The following PACRG variants were observed in gnomAD, a reference collection of about 807,000 sequenced individuals.
PACRG encodes parkin coregulated, also known as parkin coregulated gene protein.
Under a neutral mutation model 29.7 loss-of-function variants are expected in PACRG, and 29 were observed. The observed-to-expected ratio is 0.98, with a 90% CI of 0.73 to 1.33. The LOEUF (loss-of-function observed/expected upper bound fraction) is 1.33, where lower values mean the gene tolerates loss of function less well. Ranked by LOEUF, PACRG falls within the 40% of genes most tolerant of loss-of-function variation. The pLI, the probability that PACRG is intolerant of heterozygous loss-of-function variation, is 0.00. For synonymous variants in PACRG, 116 were observed against 118.7 expected (o/e 0.98, Z 0.15); for missense variants, 279 against 316.2 (o/e 0.88, Z 0.89).
In PACRG at chr6:162,852,005, G is replaced by GAGGAAGGAAGGAAGGAAAGGAAGGAAGGA. The variant is rs1554291937; in HGVS notation, c.291+37741_291+37742insAGGAAGGAAGGAAGGAAGGAAGGAAGGAA. Among the ~76,000 whole-genome samples, 73 of 116,108 alleles carry GAGGAAGGAAGGAAGGAAAGGAAGGAAGGA rather than the reference G, an allele frequency of 6.3e-4. No individual in the cohort carries two copies. In the East Asian group the frequency reaches 0.017, roughly 27 times the overall value. The allele number at this position is 116,108 out of a possible 152,430, so 76.2% of individuals were successfully genotyped here. On this transcript the variant is annotated intron_variant, in intron 2 of 4. Coordinates refer to ENST00000366888, the MANE Select transcript of PACRG (RefSeq NM_001080379.2). Reference sequence around the variant, plus strand: ...AAGAAAAGGGAGGGAGGGAGGGAGGGAGGAAGGAAGGAAGGAAGGAAGGAA... The same window carrying GAGGAAGGAAGGAAGGAAAGGAAGGAAGGA: ...AAGAAAAGGGAGGGAGGGAGGGAGGGAGGAAGGAAGGAAGGAAAGGAAGGAAGGAAGGAAGGAAGGAAGGAAGGAAGGAA...
At chr6:163,040,698 C>T (rs182591832) in intron 2 of PACRG, among the ~76,000 whole-genome samples, 117 of 152,328 alleles carry the variant, frequency 7.7e-4, no homozygotes, top group Admixed American at 7.5e-3. Flanking sequence ...ACTGCCCAGC[C>T]AGTTTTCAGA....
At chr6:163,215,346 A>G (rs1241285232) in intron 4 of PACRG, among the ~76,000 whole-genome samples, 1 of 152,220 alleles carries the variant, frequency 6.6e-6, no homozygotes, top group Non-Finnish European at 1.5e-5. Context: ...TTCTAACGCC[A>G]TCTTGGCATG....
At chr6:162,842,542 C>T (rs1789890987) in intron 2 of PACRG, among the ~76,000 whole-genome samples, 2 of 150,986 alleles carry the variant, frequency 1.3e-5, no homozygotes, top group Non-Finnish European at 3.0e-5. Context: ...GGTCTTGACT[C>T]TTTATCCAAT....
intron 2 of PACRG, among the ~76,000 whole-genome samples, chr6:162,958,880 TATATAGAGAGAGAGAGAGAGAGAG>T (rs1320408521): frequency 0.011 from 175 of 16,474 alleles, no homozygotes; most frequent in African/African-American, 0.015. Context: ...TATATATATA[TATATAGAGAGAGAGAGAGAGAGAG>T]AGAGAGAGAG....
chr6:163,308,736 G>A (rs1315989288), intron 4 of PACRG, among the ~76,000 whole-genome samples: 1 of 151,728 alleles, frequency 6.6e-6, no homozygotes, highest in African/African-American at 2.4e-5. Flanking sequence ...GTGTCGTCAA[G>A]AAACATGATA....
At chr6:163,052,088 C>T (rs971468027) in intron 2 of PACRG, 6 of 152,060 alleles carry the variant, frequency 3.9e-5, no homozygotes, top group East Asian at 1.9e-4. Flanking sequence ...CTGCATCACA[C>T]GTATTTGAAA....
intron 2 of PACRG, among the ~76,000 whole-genome samples, chr6:162,891,343 A>C (rs2128040037): frequency 6.6e-6 from 1 of 152,266 alleles, no homozygotes; most frequent in Non-Finnish European, 1.5e-5. Context: ...CCCTTAGGGA[A>C]GGTTGGCTCT....
At chr6:163,160,571 AC>A (rs1275354503) in intron 4 of PACRG, among the ~76,000 whole-genome samples, 1 of 152,214 alleles carries the variant, frequency 6.6e-6, no homozygotes, top group African/African-American at 2.4e-5. Flanking sequence ...TAAATGGCAT[AC>A]CTTTTATACC....
At chr6:163,283,088 A>G (rs574416309) in intron 4 of PACRG, among the ~76,000 whole-genome samples, 1 of 152,394 alleles carries the variant, frequency 6.6e-6, no homozygotes, top group South Asian at 2.1e-4. Flanking sequence ...GCACATTACT[A>G]TATGACATGA....
intron 4 of PACRG, among the ~76,000 whole-genome samples, chr6:163,288,668 A>G (rs1784479133): frequency 6.6e-6 from 1 of 152,184 alleles, no homozygotes; most frequent in Admixed American, 6.5e-5. Flanking sequence ...TGTGCTCTCG[A>G]TTATCTAAGA....
At chr6:162,920,900 T>C (rs1247216929) in intron 2 of PACRG, among the ~76,000 whole-genome samples, 1 of 152,210 alleles carries the variant, frequency 6.6e-6, no homozygotes, top group East Asian at 1.9e-4. Flanking sequence ...TTAAATTCTA[T>C]GGAAATGTGA....
At chr6:163,106,104 A>G (rs530192633) in intron 4 of PACRG, among the ~76,000 whole-genome samples, 1 of 152,290 alleles carries the variant, frequency 6.6e-6, no homozygotes, top group East Asian at 1.9e-4. Context: ...AGGAGGAAGA[A>G]AGTATCCTTC....
chr6:162,975,479 T>C (rs901907789), intron 2 of PACRG, among the ~76,000 whole-genome samples: 17 of 152,240 alleles, frequency 1.1e-4, no homozygotes, highest in African/African-American at 4.1e-4. Context: ...CTCTTTGTGT[T>C]TTGTTTCACA....
chr6:163,312,373 C>T (rs772357475), intron 4 of PACRG, among the ~76,000 whole-genome samples: 1 of 152,108 alleles, frequency 6.6e-6, no homozygotes, highest in Non-Finnish European at 1.5e-5. Flanking sequence ...GTTCAAATCC[C>T]CTGTTGCTTT....
chr6:162,884,965 C>G (rs1051056818), intron 2 of PACRG, among the ~76,000 whole-genome samples: 1 of 152,164 alleles, frequency 6.6e-6, no homozygotes, highest in South Asian at 2.1e-4. Context: ...GACAGAAGTT[C>G]TCTGCTCTGG....
intron 4 of PACRG, among the ~76,000 whole-genome samples, chr6:163,261,189 T>G (rs1416708106): frequency 1.3e-5 from 2 of 152,164 alleles, no homozygotes; most frequent in African/African-American, 2.4e-5. Context: ...CCGCCTCTTC[T>G]GCCCTCAGCT....
rs1277971712 is a variant in PACRG, at chr6:162,898,261, G to C, written c.291+83980G>C. On this transcript the variant is annotated intron_variant, in intron 2 of 4. Transcript: ENST00000366888. Reference sequence around the variant, plus strand: ...AGCGGAATCTCCTCTCTGCTGAGTGGGTTGCTGTAGTGGAAGAAGCACTGA... The same window carrying C: ...AGCGGAATCTCCTCTCTGCTGAGTGCGTTGCTGTAGTGGAAGAAGCACTGA... Among the ~76,000 whole-genome samples the C allele has an allele frequency of 2.6e-5, 4 of 152,268 alleles. No individual in the cohort carries two copies. In the South Asian group the frequency reaches 6.2e-4, roughly 24 times the overall value.
intron 4 of PACRG, among the ~76,000 whole-genome samples, chr6:163,216,084 AC>A (rs1781350296): frequency 6.6e-6 from 1 of 152,220 alleles, no homozygotes; most frequent in East Asian, 1.9e-4. Flanking sequence ...TCAATTGAAC[AC>A]ATGAAATGTA....
chr6:162,920,584 T>G (rs990672988), intron 2 of PACRG, among the ~76,000 whole-genome samples: 2 of 152,218 alleles, frequency 1.3e-5, no homozygotes, highest in African/African-American at 2.4e-5. Context: ...GGATTTTTAT[T>G]AATCCATCTG....
Sources: allele counts gnomAD v4.1 joint callset (sites outside exome capture counted in the v4.1 genomes callset), GRCh38; gene constraint gnomAD v4.1.1; transcripts MANE v1.5; gene names NCBI Gene and HGNC (gene_info 2026-07-23, HGNC 2026-07-21).